KIAA1549: variants seen among roughly 807,000 people sequenced by gnomAD.
KIAA1549 encodes UPF0606 protein KIAA1549.
Under a neutral mutation model 156.4 loss-of-function variants are expected in KIAA1549, and 70 were observed. The observed-to-expected ratio is 0.45, with a 90% CI of 0.37 to 0.55. The LOEUF (loss-of-function observed/expected upper bound fraction) is 0.55. KIAA1549 is among the 20% of genes least tolerant of loss of function. KIAA1549 has a pLI of 0.00. For synonymous variants in KIAA1549, 1,103 were observed against 1,066.4 expected, an observed-to-expected ratio of 1.03 and a Z score of -0.67; for missense variants, 2,428 against 2,540.9, an observed-to-expected ratio of 0.96 and a Z score of 0.96.
At position 138,852,151 on chromosome 7, in the gene KIAA1549, A is replaced by T; in HGVS notation, c.5294+72T>A. ...ACATCTGCTCATATTAGCTAAAATT[A>T]GTGAGTTTATAAAGTTTTTAAAAAC... is the stretch of plus-strand genomic sequence containing the variant. On this transcript the variant is annotated intron_variant, in intron 17 of 19. Coordinates refer to ENST00000422774, the MANE Select transcript of KIAA1549 (RefSeq NM_001164665.2). The T allele has an allele frequency of 6.0e-6, 6 of 999,328 alleles. No homozygotes were observed. The South Asian group carries it at 8.7e-5, about 14-fold the overall frequency. The allele number at this position is 999,328 out of a possible 1,614,324, so 61.9% of individuals were successfully genotyped here. A position where few individuals can be genotyped will look rare whatever the true frequency, so the allele number is the denominator to read the frequency against.
intron 10 of KIAA1549, among the ~76,000 whole-genome samples, chr7:138,891,995 G>C (rs1311891039): frequency 6.6e-6 from 1 of 152,234 alleles, no homozygotes. Context: ...AGCAAAACAC[G>C]ACTGAGCTTC....
rs2130306161 is a variant in KIAA1549 at position 138,832,354 on chromosome 7, G to A, written c.*5552C>T. ...TGGGACTACTGGCACATGCCACCATGCTCAGCTAATTTTTAAATTTTTTTT... is the reference window on the plus strand; with the variant it reads ...TGGGACTACTGGCACATGCCACCATACTCAGCTAATTTTTAAATTTTTTTT... On this transcript the variant is annotated 3_prime_UTR_variant, in exon 20 of 20. Transcript: ENST00000422774. 1 of 194,458 alleles carries A rather than the reference G, an allele frequency of 5.1e-6. No individual in the cohort carries two copies. 12.0% of individuals were successfully genotyped at this position (194,458 alleles called of 1,614,324 possible).
intron 2 of KIAA1549, among the ~76,000 whole-genome samples, chr7:138,914,114 T>C (rs904416872): frequency 6.6e-6 from 1 of 151,330 alleles, no homozygotes; most frequent in African/African-American, 2.4e-5. Flanking sequence ...AAACAGAAAA[T>C]CCCTAAATAG....
intron 8 of KIAA1549, among the ~76,000 whole-genome samples, chr7:138,900,570 G>A (rs1331029531): frequency 6.6e-6 from 1 of 152,230 alleles, no homozygotes; most frequent in East Asian, 1.9e-4. Context: ...CAGTTTGGAT[G>A]TTGGACCCCC....
chr7:138,913,828 A>G (rs1165706128), intron 2 of KIAA1549, among the ~76,000 whole-genome samples: 1 of 152,044 alleles, frequency 6.6e-6, no homozygotes, highest in African/African-American at 2.4e-5. Flanking sequence ...TCTGAAAGGG[A>G]AAGATAAAAT....
At chr7:138,930,713 C>G (rs1399360900) in intron 1 of KIAA1549, among the ~76,000 whole-genome samples, 2 of 152,222 alleles carry the variant, frequency 1.3e-5, no homozygotes, top group Admixed American at 1.3e-4. Flanking sequence ...AATGTTGCAG[C>G]TGATTTAATC....
intron 1 of KIAA1549, among the ~76,000 whole-genome samples, chr7:138,972,910 C>T (rs768360596): frequency 6.6e-6 from 1 of 152,288 alleles, no homozygotes; most frequent in South Asian, 2.1e-4. Flanking sequence ...TAACATCCGC[C>T]TCCCAGATTC....
At chr7:138,938,403 CTTAA>C (rs1813080626) in intron 1 of KIAA1549, among the ~76,000 whole-genome samples, 1 of 152,130 alleles carries the variant, frequency 6.6e-6, no homozygotes, top group Non-Finnish European at 1.5e-5. Context: ...CTCATCCTTA[CTTAA>C]TTTATTTCCA....
At chr7:138,885,127 G>A (rs896494592) in intron 10 of KIAA1549, among the ~76,000 whole-genome samples, 3 of 144,598 alleles carry the variant, frequency 2.1e-5, no homozygotes, top group African/African-American at 2.9e-5. Context: ...CCAGGGAGGC[G>A]GAGGTTGTGG....
intron 1 of KIAA1549, among the ~76,000 whole-genome samples, chr7:138,924,773 C>G (rs1248999848): frequency 6.6e-6 from 1 of 152,136 alleles, no homozygotes; most frequent in Admixed American, 6.5e-5. Flanking sequence ...AGGCGAGTCT[C>G]TCTCACAGCA....
intron 1 of KIAA1549, among the ~76,000 whole-genome samples, chr7:138,941,534 A>G (rs1031626643): frequency 7.9e-5 from 12 of 152,224 alleles, no homozygotes; most frequent in African/African-American, 1.4e-4. Context: ...CAAAACAGCA[A>G]AAAATAATCT....
At chr7:138,935,548 G>A (rs2130512264) in intron 1 of KIAA1549, among the ~76,000 whole-genome samples, 1 of 152,188 alleles carries the variant, frequency 6.6e-6, no homozygotes, top group African/African-American at 2.4e-5. Context: ...GTAACAACAG[G>A]GAAAAGGACA....
chr7:138,852,218 C>A lies in KIAA1549; in HGVS notation c.5294+5G>T. On this transcript the variant is annotated splice_donor_5th_base_variant and intron_variant, in intron 17 of 19. Transcript: ENST00000422774. Reference sequence around the variant, plus strand: ...TGATAATACATTTTGTTTTGAAAACCTTACCTTGGCAATGGACCCGTCGGG... The same window carrying A: ...TGATAATACATTTTGTTTTGAAAACATTACCTTGGCAATGGACCCGTCGGG... 1 of 1,606,980 alleles carries A rather than the reference C, an allele frequency of 6.2e-7. No individual in the cohort carries two copies. Among genetic ancestry groups the A allele is most frequent in the Non-Finnish European group, 8.5e-7 (1 of 1,175,040 alleles).
intron 1 of KIAA1549, among the ~76,000 whole-genome samples, chr7:138,967,735 G>C (rs1486058672): frequency 1.3e-5 from 2 of 152,126 alleles, no homozygotes; most frequent in East Asian, 3.9e-4. Flanking sequence ...GCTGAGGTGA[G>C]GTAAGGTGAA....
chr7:138,900,051 C>T (rs1811797998), intron 8 of KIAA1549, among the ~76,000 whole-genome samples: 1 of 152,196 alleles, frequency 6.6e-6, no homozygotes, highest in South Asian at 2.1e-4. Context: ...TTACATGTGC[C>T]ATTTAAATTG....
chr7:138,835,096 T>G lies in KIAA1549; in HGVS notation c.*2810A>C, dbSNP rs1408559708. The G allele has an allele frequency of 8.9e-6, 2 of 224,348 alleles. No homozygotes were observed. The highest frequency in any genetic ancestry group is 6.5e-5 in the East Asian group (1 of 15,500). The allele number at this position is 224,348 out of a possible 1,614,324, so 13.9% of individuals were successfully genotyped here. On this transcript the variant is annotated 3_prime_UTR_variant, in exon 20 of 20. Transcript: ENST00000422774. ...AATTCAACTGTTCATTGTAGAGTGC[T>G]TCCATAAACGGACTCCAAAGCCACA... is the stretch of plus-strand genomic sequence containing the variant.
At chr7:138,931,560 T>C (rs112922381) in intron 1 of KIAA1549, among the ~76,000 whole-genome samples, 2,850 of 152,236 alleles carry the variant, frequency 0.019, 98 homozygotes, top group African/African-American at 0.065. Flanking sequence ...AAGACCAGCC[T>C]GGCCAACATG....
chr7:138,966,115 T>C (rs1814017135), intron 1 of KIAA1549, among the ~76,000 whole-genome samples: 1 of 152,320 alleles, frequency 6.6e-6, no homozygotes, highest in African/African-American at 2.4e-5. Flanking sequence ...CGGGTTGAAC[T>C]GTGTGCCCCC....
In KIAA1549 at chr7:138,871,194, G is replaced by A. The variant is rs1296874274; in HGVS notation, c.4514C>T (p.Ala1505Val). Residue 1505 changes from alanine to valine, a missense_variant, in exon 13 of 20, where the codon GCC becomes GTC. Coordinates refer to ENST00000422774, the MANE Select transcript of KIAA1549 (RefSeq NM_001164665.2). The part of the protein sequence containing the change: ...PAPPVQRPSP[A>V]DRVAESNKIN... ...TTTATTGCTTTCCGCCACTCGGTCG[G>A]CTGGGGAGGGGCGCTGGACGGGAGG... The A allele has an allele frequency of 3.7e-6, 6 of 1,613,170 alleles. No individual in the cohort carries two copies. Among genetic ancestry groups the A allele is most frequent in the South Asian group, 1.1e-5 (1 of 91,082 alleles).
Sources: gnomAD v4.1 joint callset for allele counts (sites outside exome capture counted in the v4.1 genomes callset) on GRCh38, gnomAD v4.1.1 for gene constraint, MANE v1.5 for transcripts, NCBI Gene and HGNC (gene_info 2026-07-23, HGNC 2026-07-21) for gene names.